Variants in RSRC1 observed in about 807,000 individuals in gnomAD.
RSRC1 encodes arginine and serine rich coiled-coil 1, also known as serine/Arginine-related protein 53.
Under a neutral mutation model 49.1 loss-of-function variants are expected in RSRC1, and 39 were observed. The observed-to-expected ratio is 0.79, with a 90% CI of 0.61 to 1.04. The LOEUF (loss-of-function observed/expected upper bound fraction) is 1.04, where lower values mean the gene tolerates loss of function less well. Ranked by LOEUF, RSRC1 falls within the 50% of genes least tolerant of loss-of-function variation. The pLI is 0.00. For missense variants in RSRC1, 388 were observed against 402.4 expected (o/e 0.96, Z 0.31); for synonymous variants, 143 against 130.8 (o/e 1.09, Z -0.63).
chr3:158,539,984 A>C lies in RSRC1; in HGVS notation c.759+2786A>C, dbSNP rs532205537. Among the ~76,000 whole-genome samples, 21 of 152,290 alleles carry C rather than the reference A, an allele frequency of 1.4e-4. No individual in the cohort carries two copies. The highest frequency in any genetic ancestry group is 5.1e-4 in the African/African-American group (21 of 41,562). On this transcript the variant is annotated intron_variant, in intron 8 of 9. Coordinates refer to ENST00000611884, the MANE Select transcript of RSRC1 (RefSeq NM_001271838.2). This position sits in a 1 kb window ranked among gnomAD's most constrained non-coding sequence, Gnocchi z 4.1. ...GCACATATTTTTAAGGCAGTTTAAC[A>C]TGAAAAGTGTCTCCTAGCTAAGCCC...
At chr3:158,220,263 G>C (rs1722159405) in intron 4 of RSRC1, among the ~76,000 whole-genome samples, 1 of 151,550 alleles carries the variant, frequency 6.6e-6, no homozygotes, top group African/African-American at 2.4e-5. Context: ...GTAGTTAAGT[G>C]AAAGTAGAAA....
chr3:158,527,355 G>A (rs1260852645), intron 7 of RSRC1, among the ~76,000 whole-genome samples: 2 of 151,942 alleles, frequency 1.3e-5, no homozygotes, highest in African/African-American at 4.8e-5. Context: ...GATGCAAGAA[G>A]AGAGTTGGAG....
chr3:158,417,072 G>T (rs190546325), intron 6 of RSRC1, among the ~76,000 whole-genome samples: 2 of 152,016 alleles, frequency 1.3e-5, no homozygotes, highest in Non-Finnish European at 2.9e-5. Flanking sequence ...AGCAGAAATG[G>T]TAAATATGAA....
intron 4 of RSRC1, among the ~76,000 whole-genome samples, chr3:158,269,666 C>T (rs1725394881): frequency 6.6e-6 from 1 of 152,220 alleles, no homozygotes; most frequent in East Asian, 1.9e-4. Flanking sequence ...GCATGTGCCA[C>T]CATGCCCAGC....
At chr3:158,517,134 A>G (rs989504258) in intron 7 of RSRC1, among the ~76,000 whole-genome samples, 1 of 152,064 alleles carries the variant, frequency 6.6e-6, no homozygotes, top group Non-Finnish European at 1.5e-5. Context: ...CATTTGTTGG[A>G]TTTATTCCTA....
intron 6 of RSRC1, among the ~76,000 whole-genome samples, chr3:158,361,282 G>A (rs752694236): frequency 5.3e-5 from 8 of 152,158 alleles, no homozygotes; most frequent in Admixed American, 1.3e-4. Flanking sequence ...CCAGGTCCTC[G>A]AATTGGGCAC....
At chr3:158,334,616 G>A (rs140581039) in intron 5 of RSRC1, among the ~76,000 whole-genome samples, 2,413 of 150,592 alleles carry the variant, frequency 0.016, 83 homozygotes, top group African/African-American at 0.056. Flanking sequence ...AAGTAGCTGG[G>A]ATTATAGGCA....
At chr3:158,295,468 T>C (rs1727184935) in intron 4 of RSRC1, among the ~76,000 whole-genome samples, 1 of 152,068 alleles carries the variant, frequency 6.6e-6, no homozygotes, top group Non-Finnish European at 1.5e-5. Context: ...TAATGGAAAA[T>C]GAATTGACAT....
chr3:158,145,407 G>A (rs1578131586), intron 3 of RSRC1, among the ~76,000 whole-genome samples: 1 of 152,056 alleles, frequency 6.6e-6, no homozygotes, highest in East Asian at 1.9e-4. Flanking sequence ...CCCATTTCTT[G>A]TTTTTGTCAG....
intron 7 of RSRC1, among the ~76,000 whole-genome samples, chr3:158,531,289 G>A (rs1712387629): frequency 6.6e-6 from 1 of 151,842 alleles, no homozygotes; most frequent in Admixed American, 6.6e-5. Flanking sequence ...ATCAGGCATG[G>A]CCTTAAATGA....
chr3:158,526,488 C>G (rs942324357), intron 7 of RSRC1, among the ~76,000 whole-genome samples: 3 of 151,918 alleles, frequency 2.0e-5, no homozygotes, highest in Non-Finnish European at 1.5e-5. Context: ...CTGTTCCTAC[C>G]CACTGTATAG....
At chr3:158,280,240 C>T (rs1726065084) in intron 4 of RSRC1, among the ~76,000 whole-genome samples, 5 of 152,196 alleles carry the variant, frequency 3.3e-5, no homozygotes, top group Middle Eastern at 6.8e-3. Context: ...AAGGCTGTAG[C>T]GAGCGAGCAT....
chr3:158,499,017 T>A (rs1447558134), intron 7 of RSRC1, among the ~76,000 whole-genome samples: 1 of 152,166 alleles, frequency 6.6e-6, no homozygotes, highest in Non-Finnish European at 1.5e-5. Flanking sequence ...GCTTCCAGAT[T>A]TGTTCTTTTT....
intron 3 of RSRC1, among the ~76,000 whole-genome samples, chr3:158,201,680 C>A (rs2108277432): frequency 6.6e-6 from 1 of 152,222 alleles, no homozygotes; most frequent in South Asian, 2.1e-4. Flanking sequence ...TTGTGTTTTT[C>A]AATTACAGAA....
intron 6 of RSRC1, among the ~76,000 whole-genome samples, chr3:158,387,306 G>A (rs1407905053): frequency 6.6e-6 from 1 of 151,992 alleles, no homozygotes; most frequent in Non-Finnish European, 1.5e-5. Flanking sequence ...ATGGCATTAG[G>A]TTCTGGACTA....
chr3:158,375,162 A>G (rs1353154482), intron 6 of RSRC1, among the ~76,000 whole-genome samples: 3 of 11,254 alleles, frequency 2.7e-4, no homozygotes, highest in African/African-American at 1.2e-3. Context: ...TTAGCAAGTT[A>G]TTATTATTAT....
At chr3:158,233,393 G>C (rs531819018) in intron 4 of RSRC1, among the ~76,000 whole-genome samples, 3 of 152,234 alleles carry the variant, frequency 2.0e-5, no homozygotes, top group Admixed American at 1.3e-4. Flanking sequence ...CAGCAGGTCT[G>C]AAGTGATGAT....
chr3:158,129,127 C>CCT (rs1436086521), intron 3 of RSRC1, among the ~76,000 whole-genome samples: 55 of 151,954 alleles, frequency 3.6e-4, no homozygotes, highest in African/African-American at 1.3e-3. Flanking sequence ...ATCTCCTCAA[C>CCT]CTTTCACTTA....
intron 6 of RSRC1, among the ~76,000 whole-genome samples, chr3:158,453,592 A>G (rs1047771221): frequency 6.6e-6 from 1 of 152,020 alleles, no homozygotes; most frequent in African/African-American, 2.4e-5. Context: ...CATGTTGTCC[A>G]GGCTGGTCTC....
Sources: allele counts gnomAD v4.1 joint callset (sites outside exome capture counted in the v4.1 genomes callset), GRCh38; gene constraint gnomAD v4.1.1; non-coding constraint Gnocchi (gnomAD v3.1); transcripts MANE v1.5; gene names NCBI Gene and HGNC (gene_info 2026-07-23, HGNC 2026-07-21).